Variants in HNRNPC observed in about 807,000 individuals in gnomAD.
HNRNPC encodes heterogeneous nuclear ribonucleoprotein C.
In HNRNPC, 3 loss-of-function variants were observed where a neutral mutation model predicts 33.2. The observed-to-expected ratio is 0.09, with a 90% confidence interval of 0.04 to 0.23. The LOEUF is 0.23. Among genes scored for constraint, HNRNPC ranks in the 10% least tolerant of loss-of-function variants. The pLI, the probability that HNRNPC is intolerant of heterozygous loss-of-function variation, is 1.00. For missense variants in HNRNPC, 143 were observed against 366.7 expected (o/e 0.39, Z 4.98); for synonymous variants, 121 against 126.7 (o/e 0.96, Z 0.30).
chr14:21,224,088 A>G (rs1314394073), intron 5 of HNRNPC, among the ~76,000 whole-genome samples: 1 of 152,096 alleles, frequency 6.6e-6, no homozygotes, highest in Admixed American at 6.5e-5. Flanking sequence ...CTTCATACAT[A>G]TATATAAACA....
At chr14:21,228,596 A>G (rs2139610387) in intron 5 of HNRNPC, among the ~76,000 whole-genome samples, 1 of 151,724 alleles carries the variant, frequency 6.6e-6, no homozygotes, top group South Asian at 2.1e-4. Flanking sequence ...GTTCCACCAT[A>G]TTGCCCAGGC....
rs1356299566 is a variant in HNRNPC at position 21,259,211 on chromosome 14, AT to A, written c.-37+4099del. 3.9e-5 allele frequency among the ~76,000 whole-genome samples: 6 copies of A among 152,282 alleles called. No individual in the cohort carries two copies. The South Asian group carries it at 1.2e-3, about 32-fold the overall frequency. Reference sequence around the variant, plus strand: ...CTTTCACATATGGTTTTCTTACAGAATGAGCTTCACCATTAGCTACTTCCAC... The same window carrying A: ...CTTTCACATATGGTTTTCTTACAGAAGAGCTTCACCATTAGCTACTTCCAC... On this transcript the variant is annotated intron_variant, in intron 2 of 8. Coordinates refer to ENST00000553300, the MANE Select transcript of HNRNPC (RefSeq NM_004500.4).
chr14:21,235,897 A>T (rs1318153754), intron 2 of HNRNPC, among the ~76,000 whole-genome samples: 1 of 152,184 alleles, frequency 6.6e-6, no homozygotes, highest in Non-Finnish European at 1.5e-5. Flanking sequence ...GCCAACACAG[A>T]ATACTGACCA....
At chr14:21,216,917 A>G (rs564340220) in intron 5 of HNRNPC, among the ~76,000 whole-genome samples, 2 of 152,330 alleles carry the variant, frequency 1.3e-5, no homozygotes, top group South Asian at 4.1e-4. Context: ...TAAATCCGTT[A>G]AACTAGCTAG....
intron 1 of HNRNPC, chr14:21,265,463 T>C (rs1040181062): frequency 1.3e-5 from 2 of 152,206 alleles, no homozygotes; most frequent in South Asian, 4.1e-4. Context: ...TATGTTAAAC[T>C]GAAGAGCTAC....
chr14:21,235,048 T>G (rs1489842285), intron 2 of HNRNPC, among the ~76,000 whole-genome samples: 1 of 152,168 alleles, frequency 6.6e-6, no homozygotes, highest in African/African-American at 2.4e-5. Flanking sequence ...ATACACAACT[T>G]TCCACGCATT....
chr14:21,222,902 A>G (rs1892991421), intron 5 of HNRNPC, among the ~76,000 whole-genome samples: 1 of 151,184 alleles, frequency 6.6e-6, no homozygotes, highest in Admixed American at 6.6e-5. Flanking sequence ...TCAAAAAAAA[A>G]CCAAAACAAA....
intron 5 of HNRNPC, among the ~76,000 whole-genome samples, chr14:21,221,605 T>C (rs1427052404): frequency 2.6e-5 from 4 of 152,186 alleles, no homozygotes; most frequent in African/African-American, 4.8e-5. Context: ...CAGAGCAGGA[T>C]GGTGGAATTA....
chr14:21,260,928 A>C (rs1346042040), intron 2 of HNRNPC, among the ~76,000 whole-genome samples: 11 of 143,684 alleles, frequency 7.7e-5, no homozygotes, highest in Non-Finnish European at 1.5e-4. Flanking sequence ...GCACCACTGC[A>C]CTCCAGCCTG....
At chr14:21,251,544 T>C (rs929508410) in intron 2 of HNRNPC, among the ~76,000 whole-genome samples, 4 of 151,848 alleles carry the variant, frequency 2.6e-5, no homozygotes, top group Admixed American at 2.6e-4. Flanking sequence ...CCAAGCGTGG[T>C]AGTGGTGGGT....
intron 5 of HNRNPC, among the ~76,000 whole-genome samples, chr14:21,221,062 C>T (rs1291167765): frequency 6.6e-6 from 1 of 152,040 alleles, no homozygotes; most frequent in African/African-American, 2.4e-5. Context: ...ACTCCTGCCT[C>T]AGCAATAGAG....
At chr14:21,238,031 A>C (rs1894914969) in intron 2 of HNRNPC, among the ~76,000 whole-genome samples, 1 of 152,160 alleles carries the variant, frequency 6.6e-6, no homozygotes, top group African/African-American at 2.4e-5. Flanking sequence ...TCGGCCTCCC[A>C]AAGTGCTGGG....
intron 2 of HNRNPC, among the ~76,000 whole-genome samples, chr14:21,251,260 C>CAAA (rs71419116): frequency 0.021 from 1,032 of 48,828 alleles, 61 homozygotes; most frequent in African/African-American, 0.039. Context: ...GACTCCCTCT[C>CAAA]AAAAAAAAAA....
chr14:21,214,878 C>A (rs1445529817), intron 5 of HNRNPC, among the ~76,000 whole-genome samples: 2 of 152,152 alleles, frequency 1.3e-5, no homozygotes, highest in East Asian at 3.9e-4. Context: ...AATAAGTTAT[C>A]CATATCCATG....
intron 2 of HNRNPC, among the ~76,000 whole-genome samples, chr14:21,242,108 ACT>A (rs1270862871): frequency 2.6e-5 from 4 of 152,156 alleles, no homozygotes; most frequent in African/African-American, 4.8e-5. Flanking sequence ...AAATAAAACA[ACT>A]CTCAAAAGGA....
At chr14:21,268,928 AGAAC>A (rs1594355895) in intron 1 of HNRNPC, among the ~76,000 whole-genome samples, 1 of 152,090 alleles carries the variant, frequency 6.6e-6, no homozygotes, top group East Asian at 1.9e-4. Flanking sequence ...ACATGTAAGA[AGAAC>A]GGAGGTAATA....
intron 5 of HNRNPC, among the ~76,000 whole-genome samples, chr14:21,216,006 C>T (rs942111505): frequency 2.0e-5 from 3 of 149,374 alleles, no homozygotes; most frequent in South Asian, 2.1e-4. Flanking sequence ...ATCCCAGCTA[C>T]GCAGGAGGCT....
intron 1 of HNRNPC, among the ~76,000 whole-genome samples, chr14:21,265,907 G>T (rs1169029662): frequency 5.9e-5 from 9 of 152,190 alleles, no homozygotes; most frequent in African/African-American, 2.2e-4. Context: ...AATGAGTGAT[G>T]CATGAGCATC....
chr14:21,230,501 T>C (rs1893988490), intron 4 of HNRNPC, 135 bp from the exon 5 acceptor site: 2 of 649,810 alleles, frequency 3.1e-6, no homozygotes, highest in East Asian at 2.8e-5. Context: ...TCCCCAATCA[T>C]TCATACAATA....
Sources: gnomAD v4.1 joint callset for allele counts (sites outside exome capture counted in the v4.1 genomes callset) on GRCh38, gnomAD v4.1.1 for gene constraint, MANE v1.5 for transcripts, NCBI Gene and HGNC (gene_info 2026-07-23, HGNC 2026-07-21) for gene names.